Variants in ATXN1 observed in about 807,000 individuals in gnomAD.
ATXN1 encodes ataxin-1.
ATXN1 carries 8 observed loss-of-function variants against 56.4 expected under a neutral mutation model. That is an observed-to-expected ratio of 0.14 (90% CI 0.08 to 0.26). The LOEUF is 0.26. ATXN1 is among the 10% of genes least tolerant of loss of function. The pLI, the probability that ATXN1 is intolerant of heterozygous loss-of-function variation, is 1.00. For synonymous variants in ATXN1, 514 were observed against 494.6 expected, an observed-to-expected ratio of 1.04 and a Z score of -0.52; for missense variants, 987 against 1,106.5, an observed-to-expected ratio of 0.89 and a Z score of 1.53.
chr6:16,718,599 C>T lies in ATXN1; in HGVS notation c.-615+34634G>A, dbSNP rs3828866. 7.7e-4 allele frequency among the ~76,000 whole-genome samples: 117 copies of T among 152,330 alleles called. 2 individuals are homozygous for T. The East Asian group carries it at 0.021, about 28-fold the overall frequency. ...GCTGGAAATGCTGTGTTGAGTTACA[C>T]CATCCAACTAGGAATTAAATATATT... On this transcript the variant is annotated intron_variant, in intron 2 of 7. Transcript: ENST00000436367.
chr6:16,374,872 G>A (rs1210759968), intron 6 of ATXN1, among the ~76,000 whole-genome samples: 1 of 152,230 alleles, frequency 6.6e-6, no homozygotes, highest in Non-Finnish European at 1.5e-5. Flanking sequence ...AGTTTTCCAA[G>A]GACAAGAGGA....
intron 6 of ATXN1, among the ~76,000 whole-genome samples, chr6:16,377,475 T>C (rs900156901): frequency 4.6e-5 from 7 of 152,144 alleles, no homozygotes; most frequent in Non-Finnish European, 7.4e-5. Flanking sequence ...TGCACCTTCA[T>C]GGGTCATACA....
chr6:16,682,854 C>T (rs755169316), intron 2 of ATXN1, among the ~76,000 whole-genome samples: 33 of 152,192 alleles, frequency 2.2e-4, no homozygotes, highest in African/African-American at 3.1e-4. Flanking sequence ...TCTTACTCTC[C>T]AGTCTGTTAA....
intron 2 of ATXN1, among the ~76,000 whole-genome samples, chr6:16,682,673 T>C (rs1394127742): frequency 2.0e-5 from 3 of 152,154 alleles, no homozygotes; most frequent in Non-Finnish European, 1.5e-5. Flanking sequence ...CAAATATAAT[T>C]GAAGTTTTAA....
intron 1 of ATXN1, among the ~76,000 whole-genome samples, chr6:16,759,962 C>T (rs111950589): frequency 0.049 from 7,459 of 152,138 alleles, 613 homozygotes; most frequent in African/African-American, 0.17. Flanking sequence ...TCGCGACGGC[C>T]CTCGCCCCCC....
At chr6:16,365,173 C>T (rs576421888) in intron 6 of ATXN1, among the ~76,000 whole-genome samples, 90 of 151,870 alleles carry the variant, frequency 5.9e-4, no homozygotes, top group Non-Finnish European at 8.5e-4. Flanking sequence ...ACAGAATTAC[C>T]GGTTTTCTTT....
chr6:16,603,232 A>G (rs1762943751), intron 3 of ATXN1, among the ~76,000 whole-genome samples: 1 of 152,206 alleles, frequency 6.6e-6, no homozygotes, highest in Admixed American at 6.5e-5. Context: ...GTCTGAGGTT[A>G]GCCCATTTCC....
intron 2 of ATXN1, among the ~76,000 whole-genome samples, chr6:16,712,987 C>CT (rs1462354650): frequency 3.9e-5 from 6 of 152,136 alleles, no homozygotes; most frequent in Non-Finnish European, 7.3e-5. Context: ...AACATTTCTC[C>CT]TTTTTCCAGC....
At chr6:16,348,353 C>T (rs868545628) in intron 6 of ATXN1, among the ~76,000 whole-genome samples, 2 of 152,200 alleles carry the variant, frequency 1.3e-5, no homozygotes. Flanking sequence ...ATATGAGCCA[C>T]AGCACCGGGC....
intron 6 of ATXN1, among the ~76,000 whole-genome samples, chr6:16,373,421 C>T (rs367649490): frequency 8.5e-5 from 13 of 152,288 alleles, no homozygotes; most frequent in African/African-American, 3.1e-4. Context: ...CAGATGGAAA[C>T]TTTTGATCTG....
At chr6:16,566,641 C>A (rs1274449398) in intron 4 of ATXN1, among the ~76,000 whole-genome samples, 1 of 151,962 alleles carries the variant, frequency 6.6e-6, no homozygotes, top group Non-Finnish European at 1.5e-5. Context: ...ATCACGAGGT[C>A]AGGAGATCAA....
At chr6:16,353,755 C>T (rs1265687723) in intron 6 of ATXN1, among the ~76,000 whole-genome samples, 2 of 152,148 alleles carry the variant, frequency 1.3e-5, no homozygotes, top group Non-Finnish European at 2.9e-5. Context: ...GCTTCGTCTA[C>T]GAGAATAAAT....
intron 3 of ATXN1, among the ~76,000 whole-genome samples, chr6:16,639,557 G>A (rs992436623): frequency 3.9e-5 from 6 of 152,118 alleles, no homozygotes; most frequent in African/African-American, 9.7e-5. Flanking sequence ...CAGGTGATTC[G>A]CCTGCCTCAG....
chr6:16,448,871 ATT>A (rs1469946830), intron 6 of ATXN1, among the ~76,000 whole-genome samples: 1 of 152,236 alleles, frequency 6.6e-6, no homozygotes, highest in Non-Finnish European at 1.5e-5. Context: ...TCTTAACTCC[ATT>A]TTGTTAGTAA....
intron 6 of ATXN1, among the ~76,000 whole-genome samples, chr6:16,420,195 C>T (rs754916954): frequency 6.6e-6 from 1 of 151,986 alleles, no homozygotes; most frequent in South Asian, 2.1e-4. Flanking sequence ...TTCTCCATAA[C>T]GTGAGCTGCA....
chr6:16,462,465 A>G (rs1760018920), intron 6 of ATXN1, among the ~76,000 whole-genome samples: 1 of 152,204 alleles, frequency 6.6e-6, no homozygotes, highest in East Asian at 1.9e-4. Context: ...GTGAAAACCT[A>G]CATAATCTTT....
chr6:16,636,823 G>A (rs1291488625), intron 3 of ATXN1, among the ~76,000 whole-genome samples: 2 of 152,020 alleles, frequency 1.3e-5, no homozygotes, highest in Non-Finnish European at 2.9e-5. Context: ...ACCTAACGAC[G>A]GCCTGGGAAT....
intron 6 of ATXN1, among the ~76,000 whole-genome samples, chr6:16,347,142 T>A (rs9396664): frequency 3.3e-5 from 5 of 152,330 alleles, no homozygotes; most frequent in African/African-American, 1.2e-4. Flanking sequence ...TGGGCTCCTG[T>A]GCAGCCAGAG....
Position 16,343,955 on chromosome 6 carries a change from G to A in ATXN1, c.-160-15485C>T, listed in dbSNP as rs181496210. Among the ~76,000 whole-genome samples, 26 of 152,234 alleles carry A rather than the reference G, an allele frequency of 1.7e-4. 1 individual carries two copies. In the East Asian group the frequency reaches 4.2e-3, roughly 25 times the overall value. ...TTTCCACACCAGCCACCGCTCCTCC[G>A]CAAGGCACTGTCACCTGTTTTCTAA... On this transcript the variant is annotated intron_variant, in intron 6 of 7. Transcript: ENST00000436367.
Sources: gnomAD v4.1 joint callset for allele counts (sites outside exome capture counted in the v4.1 genomes callset) on GRCh38, gnomAD v4.1.1 for gene constraint, MANE v1.5 for transcripts, NCBI Gene and HGNC (gene_info 2026-07-23, HGNC 2026-07-21) for gene names.